The following C8orf34 variants were observed in gnomAD, a reference collection of about 807,000 sequenced individuals.
The protein encoded by C8orf34 is chromosome 8 open reading frame 34, also known as uncharacterized protein C8orf34.
In C8orf34, 65 loss-of-function variants were observed where a neutral mutation model predicts 68.3. The observed-to-expected ratio is 0.95, with a 90% CI of 0.78 to 1.17. The LOEUF is 1.17. Among genes scored for constraint, C8orf34 ranks in the 50% most tolerant of loss-of-function variants. The pLI, the probability that C8orf34 is intolerant of heterozygous loss-of-function variation, is 0.00. For missense variants in C8orf34, 664 were observed against 655.4 expected, an observed-to-expected ratio of 1.01 and a Z score of -0.14; for synonymous variants, 244 against 241.2, an observed-to-expected ratio of 1.01 and a Z score of -0.11.
At chr8:68,651,639 A>G (rs548013355) in intron 8 of C8orf34, among the ~76,000 whole-genome samples, 24 of 152,330 alleles carry the variant, frequency 1.6e-4, no homozygotes, top group South Asian at 1.5e-3. Context: ...TTTAAGTGAA[A>G]TAGCTAAGAA....
intron 10 of C8orf34, among the ~76,000 whole-genome samples, chr8:68,773,948 A>G (rs79462324): frequency 1.7e-3 from 252 of 152,316 alleles, no homozygotes; most frequent in Non-Finnish European, 2.0e-3. Flanking sequence ...GCAAATGTCC[A>G]GACAAACGGG....
chr8:68,342,004 T>TA (rs957739990), intron 1 of C8orf34, among the ~76,000 whole-genome samples: 53 of 152,334 alleles, frequency 3.5e-4, no homozygotes, highest in Middle Eastern at 6.8e-3. Flanking sequence ...GGCTCTATTT[T>TA]ATAGCACAGT....
At chr8:68,504,037 T>C (rs1279158567) in intron 5 of C8orf34, among the ~76,000 whole-genome samples, 1 of 152,190 alleles carries the variant, frequency 6.6e-6, no homozygotes, top group Non-Finnish European at 1.5e-5. Context: ...TTTAGAACAA[T>C]TTCATCATCC....
intron 5 of C8orf34, among the ~76,000 whole-genome samples, chr8:68,510,371 A>G (rs7822643): frequency 0.29 from 44,086 of 152,096 alleles, 8,775 homozygotes; most frequent in African/African-American, 0.57. Flanking sequence ...TCTGAGGGAT[A>G]GGCATCCTAT....
chr8:68,660,996 AGAAACTCTTAACT>A (rs1404505101), intron 8 of C8orf34, among the ~76,000 whole-genome samples: 1 of 152,138 alleles, frequency 6.6e-6, no homozygotes, highest in African/African-American at 2.4e-5. Context: ...CAACAGGGAG[AGAAACTCTTAACT>A]GTTGTACCCT....
At chr8:68,743,808 G>A (rs1395711369) in intron 10 of C8orf34, among the ~76,000 whole-genome samples, 1 of 152,198 alleles carries the variant, frequency 6.6e-6, no homozygotes, top group Non-Finnish European at 1.5e-5. Context: ...GGCTGGGGGA[G>A]GGGCGCCCAC....
intron 7 of C8orf34, among the ~76,000 whole-genome samples, chr8:68,559,340 T>C (rs535001149): frequency 6.6e-6 from 1 of 152,292 alleles, no homozygotes; most frequent in South Asian, 2.1e-4. Flanking sequence ...AGCTTTGGGA[T>C]AAGAAACGAC....
At chr8:68,405,472 C>G (rs1809153942) in intron 1 of C8orf34, among the ~76,000 whole-genome samples, 1 of 152,192 alleles carries the variant, frequency 6.6e-6, no homozygotes, top group Non-Finnish European at 1.5e-5. Context: ...CTCATGGACT[C>G]CCCACCAGAA....
chr8:68,331,387 G>C (rs924181170), intron 1 of C8orf34, 48 bp downstream of exon 1: 1 of 1,510,888 alleles, frequency 6.6e-7, no homozygotes, highest in Admixed American at 2.0e-5. Flanking sequence ...AGGGGAAGGG[G>C]TGCAGTAATG....
chr8:68,658,865 T>A (rs1317572002), intron 8 of C8orf34, among the ~76,000 whole-genome samples: 1 of 152,212 alleles, frequency 6.6e-6, no homozygotes, highest in African/African-American at 2.4e-5. Context: ...TTCTCTTTCC[T>A]TAAAGTTTTA....
chr8:68,593,629 C>T (rs1817459980), intron 7 of C8orf34, among the ~76,000 whole-genome samples: 1 of 151,870 alleles, frequency 6.6e-6, no homozygotes, highest in African/African-American at 2.4e-5. Context: ...TTTATATTTT[C>T]CTGTTCACAT....
chr8:68,463,722 C>T (rs929253367), intron 3 of C8orf34, among the ~76,000 whole-genome samples: 2 of 152,086 alleles, frequency 1.3e-5, no homozygotes, highest in African/African-American at 4.8e-5. Context: ...GCAGAAAAGG[C>T]CTTTGAAAAA....
At chr8:68,356,135 T>C (rs1282063263) in intron 1 of C8orf34, among the ~76,000 whole-genome samples, 1 of 152,204 alleles carries the variant, frequency 6.6e-6, no homozygotes, top group Non-Finnish European at 1.5e-5. Context: ...CAAATGCGTT[T>C]ATGAATGAAA....
At chr8:68,339,774 T>TA (rs11331734) in intron 1 of C8orf34, among the ~76,000 whole-genome samples, 1 of 151,920 alleles carries the variant, frequency 6.6e-6, no homozygotes, top group African/African-American at 2.4e-5. Flanking sequence ...ATATAAACTG[T>TA]AAAAAAATCA....
At chr8:68,449,723 G>A (rs181835595) in intron 3 of C8orf34, among the ~76,000 whole-genome samples, 10 of 152,192 alleles carry the variant, frequency 6.6e-5, no homozygotes, top group Non-Finnish European at 1.3e-4. Context: ...ACAATCATCT[G>A]AGCTTTCAAT....
chr8:68,467,021 C>T (rs1812176577), intron 3 of C8orf34, among the ~76,000 whole-genome samples: 1 of 151,792 alleles, frequency 6.6e-6, no homozygotes, highest in African/African-American at 2.4e-5. Flanking sequence ...CTACCCAACT[C>T]GGCTCCTAAC....
At chr8:68,548,682 C>T (rs1163454661) in intron 7 of C8orf34, among the ~76,000 whole-genome samples, 1 of 151,636 alleles carries the variant, frequency 6.6e-6, no homozygotes, top group Non-Finnish European at 1.5e-5. Flanking sequence ...TAGATATTTT[C>T]CCAAAAGGTG....
chr8:68,558,617 AAGAG>A lies in C8orf34; in HGVS notation c.1105+25480_1105+25483del, dbSNP rs546283587. 2.2e-4 allele frequency among the ~76,000 whole-genome samples: 34 copies of A among 151,610 alleles called. No individual in the cohort carries two copies. In the South Asian group the frequency reaches 6.0e-3, roughly 27 times the overall value. On this transcript the variant is annotated intron_variant, in intron 7 of 13. Transcript: ENST00000518698. ...AGGGCGAGTGGGAAAGAGAGAGAGA[AAGAG>A]AGAGAGAGAGATCACAAGCACAGGA...
chr8:68,560,268 A>G (rs139013589), intron 7 of C8orf34, among the ~76,000 whole-genome samples: 1 of 147,810 alleles, frequency 6.8e-6, no homozygotes, highest in African/African-American at 2.6e-5. Flanking sequence ...AAGAAGGAGG[A>G]GTTTTCATTT....
Sources: gnomAD v4.1 joint callset for allele counts (sites outside exome capture counted in the v4.1 genomes callset) on GRCh38, gnomAD v4.1.1 for gene constraint, MANE v1.5 for transcripts, NCBI Gene and HGNC (gene_info 2026-07-23, HGNC 2026-07-21) for gene names.